Variants in RSF1 observed in about 807,000 individuals in gnomAD.
RSF1 encodes HBV pX-associated protein 8.
A neutral mutation model predicts 145.2 loss-of-function variants in RSF1; 13 were observed. That is an observed-to-expected ratio of 0.09 (90% CI 0.06 to 0.14). The LOEUF is 0.14. RSF1 is among the 10% of genes least tolerant of loss of function. The pLI is 1.00. For synonymous variants in RSF1, 577 were observed against 592.6 expected (o/e 0.97, Z 0.38); for missense variants, 1,517 against 1,718.2 (o/e 0.88, Z 2.07).
chr11:77,672,402 G>A (rs140360951), intron 14 of RSF1, among the ~76,000 whole-genome samples, 172 bp from the exon 15 acceptor site: 10 of 152,076 alleles, frequency 6.6e-5, no homozygotes, highest in Admixed American at 3.9e-4. Context: ...TATCACACAG[G>A]CTGGAGTGCA....
Position 77,685,163 on chromosome 11 carries a change from T to C in RSF1, c.2901-4A>G, listed in dbSNP as rs1959969820. The C allele has an allele frequency of 1.3e-6, 2 of 1,542,704 alleles. No homozygotes were observed. Among genetic ancestry groups the C allele is most frequent in the Non-Finnish European group, 1.8e-6 (2 of 1,140,500 alleles). On this transcript the variant is annotated splice_region_variant and splice_polypyrimidine_tract_variant and intron_variant, in intron 9 of 15. Transcript: ENST00000308488. Reference sequence around the variant, plus strand: ...AACATACACCAAGCGTTCTTTTCTTTAGGTGAAAAACAAACAAAATACATG... The same window carrying C: ...AACATACACCAAGCGTTCTTTTCTTCAGGTGAAAAACAAACAAAATACATG...
chr11:77,866,410 T>TCGC, the RSF1 span: 1 of 152,156 alleles, frequency 6.6e-6, no homozygotes, highest in Non-Finnish European at 1.5e-5. Context: ...AGCACAGGAA[T>TCGC]TGCTAGTGGC....
chr11:77,732,507 G>C (rs1030286707), intron 4 of RSF1, among the ~76,000 whole-genome samples: 7 of 152,144 alleles, frequency 4.6e-5, no homozygotes, highest in African/African-American at 1.7e-4. Flanking sequence ...GAAAAATATG[G>C]TTTGGCTCTG....
the RSF1 span, among the ~76,000 whole-genome samples, chr11:77,848,257 G>T: frequency 6.6e-6 from 1 of 152,148 alleles, no homozygotes; most frequent in Admixed American, 6.5e-5. Flanking sequence ...AAACTTACAT[G>T]GCTTCCACAC....
the RSF1 span, among the ~76,000 whole-genome samples, chr11:77,857,746 G>A: frequency 6.6e-6 from 1 of 151,216 alleles, no homozygotes; most frequent in African/African-American, 2.4e-5. Context: ...ACCCAGGCTG[G>A]AGGGCATTGG....
upstream of RSF1, among the ~76,000 whole-genome samples, chr11:77,823,546 G>C (rs2136022516): frequency 7.0e-6 from 1 of 143,014 alleles, no homozygotes; most frequent in South Asian, 2.2e-4. Flanking sequence ...CCTGGGCAAG[G>C]TAGTGAGACC....
intron 5 of RSF1, among the ~76,000 whole-genome samples, chr11:77,706,134 G>A (rs1467948540): frequency 6.6e-6 from 1 of 151,026 alleles, no homozygotes; most frequent in Non-Finnish European, 1.5e-5. Flanking sequence ...CCAGCTACTC[G>A]AGAGGCTGAG....
At chr11:77,760,901 C>T (rs1271863336) in intron 2 of RSF1, among the ~76,000 whole-genome samples, 2 of 151,998 alleles carry the variant, frequency 1.3e-5, no homozygotes, top group Non-Finnish European at 2.9e-5. Flanking sequence ...AAAAGACACA[C>T]TAGGTTATTT....
chr11:77,838,762 G>C, the RSF1 span, among the ~76,000 whole-genome samples: 1 of 151,890 alleles, frequency 6.6e-6, no homozygotes, highest in African/African-American at 2.4e-5. Flanking sequence ...GACTACAGGC[G>C]CCCACCACTG....
At chr11:77,759,236 T>G (rs2135932623) in intron 2 of RSF1, among the ~76,000 whole-genome samples, 1 of 152,268 alleles carries the variant, frequency 6.6e-6, no homozygotes, top group African/African-American at 2.4e-5. Context: ...ACAAACCAGG[T>G]GCAGTGGCTC....
chr11:77,678,754 C>T (rs1291321953), intron 11 of RSF1, among the ~76,000 whole-genome samples: 2 of 152,092 alleles, frequency 1.3e-5, no homozygotes, highest in Non-Finnish European at 2.9e-5. Flanking sequence ...AAGGAGCAGG[C>T]CTTCACTAGG....
intron 3 of RSF1, 119 bp from the exon 4 acceptor site, chr11:77,741,055 T>C (rs1947930675): frequency 1.4e-6 from 1 of 719,008 alleles, no homozygotes; most frequent in Non-Finnish European, 2.4e-6. Context: ...AAATACTGTA[T>C]TCCTTCTTTC....
At chr11:77,781,900 T>C (rs1418014564) in intron 1 of RSF1, among the ~76,000 whole-genome samples, 1 of 152,220 alleles carries the variant, frequency 6.6e-6, no homozygotes, top group Non-Finnish European at 1.5e-5. Flanking sequence ...ATGAACAGCA[T>C]TATGAAACAC....
At chr11:77,700,405 G>A (rs1445415032) in intron 6 of RSF1, among the ~76,000 whole-genome samples, 1 of 142,204 alleles carries the variant, frequency 7.0e-6, no homozygotes, top group Non-Finnish European at 1.5e-5. Flanking sequence ...ACCCCACACT[G>A]TTAATAGTGG....
At chr11:77,751,410 C>T (rs1388758288) in intron 2 of RSF1, among the ~76,000 whole-genome samples, 3 of 152,184 alleles carry the variant, frequency 2.0e-5, no homozygotes, top group Admixed American at 2.0e-4. Context: ...CTGATTCCAG[C>T]CAACATCTGA....
At chr11:77,671,340 C>T (rs1959544000) in intron 15 of RSF1, among the ~76,000 whole-genome samples, 1 of 150,330 alleles carries the variant, frequency 6.7e-6, no homozygotes, top group Non-Finnish European at 1.5e-5. Context: ...ATTTCGGTTT[C>T]CAACTGAAAT....
At chr11:77,783,504 A>T (rs574868390) in intron 1 of RSF1, among the ~76,000 whole-genome samples, 11 of 152,272 alleles carry the variant, frequency 7.2e-5, no homozygotes, top group African/African-American at 2.6e-4. Context: ...ATTTTGCTAG[A>T]TATAGAAGTT....
Position 77,698,680 on chromosome 11 carries a change from C to T in RSF1, c.2522G>A (p.Gly841Asp). ...CCGAGAACCAGTCCATCGAACTTTG[C>T]CTTTGGGTTTTACCTTGTATAAAAT... is the stretch of plus-strand genomic sequence containing the variant. ...NSKVSKVKPKGKVRWTGSRTR... is the reference protein window; with the variant it reads ...NSKVSKVKPKDKVRWTGSRTR... Residue 841 changes from glycine (G) to aspartate (D), a missense_variant, in exon 7 of 16, where the codon GGC becomes GAC. Transcript: ENST00000308488. 2 of 1,613,958 alleles carry T rather than the reference C, an allele frequency of 1.2e-6. No individual in the cohort carries two copies. Among genetic ancestry groups the T allele is most frequent in the Non-Finnish European group, 1.7e-6 (2 of 1,179,952 alleles).
chr11:77,859,514 T>C, the RSF1 span, among the ~76,000 whole-genome samples: 1 of 152,316 alleles, frequency 6.6e-6, no homozygotes, highest in East Asian at 1.9e-4. Context: ...AGTCTGTATA[T>C]ATATTTACCC....
Sources: gnomAD v4.1 joint callset for allele counts (sites outside exome capture counted in the v4.1 genomes callset) on GRCh38, gnomAD v4.1.1 for gene constraint, MANE v1.5 for transcripts, NCBI Gene and HGNC (gene_info 2026-07-23, HGNC 2026-07-21) for gene names.